TRAPPC9: variants seen among roughly 807,000 people sequenced by gnomAD.
The protein encoded by TRAPPC9 is IKK2 binding protein.
TRAPPC9 carries 83 observed loss-of-function variants against 124.0 expected under a neutral mutation model. The observed-to-expected ratio is 0.67, with a 90% CI of 0.56 to 0.80. The LOEUF is 0.80. Among genes scored for constraint, TRAPPC9 ranks in the 30% least tolerant of loss-of-function variants. The pLI is 0.00. For missense variants in TRAPPC9, 1,302 were observed against 1,508.3 expected (o/e 0.86, Z 2.27); for synonymous variants, 638 against 617.5 (o/e 1.03, Z -0.49).
At chr8:140,027,671 C>A (rs1300163469) in intron 17 of TRAPPC9, among the ~76,000 whole-genome samples, 2 of 152,154 alleles carry the variant, frequency 1.3e-5, no homozygotes, top group South Asian at 2.1e-4. Flanking sequence ...TCTCACACTA[C>A]TATAAAGAAC....
At chr8:140,180,679 ATTTT>A (rs11292362) in intron 17 of TRAPPC9, among the ~76,000 whole-genome samples, 3 of 138,150 alleles carry the variant, frequency 2.2e-5, no homozygotes, top group Non-Finnish European at 1.6e-5. Context: ...GTTAACAGCT[ATTTT>A]TTTTTTTTTT....
chr8:140,183,976 GGAGGAGGGA>G (rs2062288751), intron 17 of TRAPPC9, among the ~76,000 whole-genome samples: 1 of 127,054 alleles, frequency 7.9e-6, no homozygotes, highest in Non-Finnish European at 1.7e-5. Context: ...GAGGGAGGAG[GGAGGAGGGA>G]GGAGGGAGGA....
intron 11 of TRAPPC9, among the ~76,000 whole-genome samples, chr8:140,299,375 T>C (rs753503712): frequency 6.6e-5 from 10 of 152,186 alleles, no homozygotes; most frequent in Admixed American, 2.0e-4. Context: ...ACAGGAAGCC[T>C]CTGTCCTGGA....
chr8:139,899,464 A>G (rs909246068), intron 20 of TRAPPC9, among the ~76,000 whole-genome samples: 1 of 152,216 alleles, frequency 6.6e-6, no homozygotes, highest in Non-Finnish European at 1.5e-5. Context: ...ACCATCCTTC[A>G]TCCTTATCTT....
rs200011712 is a variant in TRAPPC9, at chr8:139,865,978, C to A, written c.3055+19901G>T. On this transcript the variant is annotated intron_variant, in intron 21 of 22. Transcript: ENST00000438773. Reference sequence around the variant, plus strand: ...AATACATTTAAGAAATACATCGGTTCGGTCCAAAAAGGCATGACAATTCCA... The same window carrying A: ...AATACATTTAAGAAATACATCGGTTAGGTCCAAAAAGGCATGACAATTCCA... Among the ~76,000 whole-genome samples the A allele has an allele frequency of 7.9e-5, 12 of 151,696 alleles. No individual in the cohort carries two copies. In the South Asian group the frequency reaches 1.7e-3, roughly 21 times the overall value.
At chr8:140,090,935 A>G (rs1378916309) in intron 17 of TRAPPC9, among the ~76,000 whole-genome samples, 1 of 152,216 alleles carries the variant, frequency 6.6e-6, no homozygotes, top group African/African-American at 2.4e-5. Context: ...GACTGGTGTG[A>G]CCCTGCTCCC....
At chr8:140,132,053 T>C (rs998069271) in intron 17 of TRAPPC9, among the ~76,000 whole-genome samples, 1 of 152,156 alleles carries the variant, frequency 6.6e-6, no homozygotes, top group Non-Finnish European at 1.5e-5. Flanking sequence ...TAGTCCCTGC[T>C]CTCCGGATCC....
chr8:140,178,818 C>G (rs571013287), intron 17 of TRAPPC9, among the ~76,000 whole-genome samples: 65 of 152,078 alleles, frequency 4.3e-4, no homozygotes, highest in African/African-American at 1.5e-3. Flanking sequence ...TTAGGCATTC[C>G]GTTTCATCTT....
intron 16 of TRAPPC9, among the ~76,000 whole-genome samples, chr8:140,222,503 T>C (rs2063357805): frequency 1.3e-5 from 2 of 152,086 alleles, no homozygotes; most frequent in African/African-American, 4.8e-5. Flanking sequence ...CCCCGTTGCC[T>C]TCACTCCTTT....
At chr8:140,047,880 G>A (rs1441013414) in intron 17 of TRAPPC9, among the ~76,000 whole-genome samples, 3 of 152,240 alleles carry the variant, frequency 2.0e-5, no homozygotes, top group African/African-American at 7.2e-5. Flanking sequence ...CGGGGCAGAA[G>A]TGGAGGGCGA....
chr8:139,967,249 C>A (rs959933269), intron 19 of TRAPPC9, among the ~76,000 whole-genome samples: 1 of 152,194 alleles, frequency 6.6e-6, no homozygotes, highest in Non-Finnish European at 1.5e-5. Context: ...CTGCCATACT[C>A]CCCAGTATGT....
chr8:139,823,446 G>A (rs1825394056), intron 21 of TRAPPC9, among the ~76,000 whole-genome samples: 1 of 152,170 alleles, frequency 6.6e-6, no homozygotes, highest in Non-Finnish European at 1.5e-5. Flanking sequence ...GGTGGTTGAG[G>A]AGCCTGAAAA....
intron 17 of TRAPPC9, among the ~76,000 whole-genome samples, chr8:140,120,829 A>C (rs561735250): frequency 6.6e-6 from 1 of 150,526 alleles, no homozygotes; most frequent in East Asian, 1.9e-4. Flanking sequence ...ACATCCATCC[A>C]TCCATCCATC....
chr8:140,309,043 G>A (rs1280490917), intron 10 of TRAPPC9, among the ~76,000 whole-genome samples: 2 of 152,096 alleles, frequency 1.3e-5, no homozygotes, highest in East Asian at 1.9e-4. Context: ...AAAGGGACGC[G>A]CACAGAAGGT....
At chr8:140,281,391 G>A (rs1271082058) in intron 14 of TRAPPC9, among the ~76,000 whole-genome samples, 1 of 152,176 alleles carries the variant, frequency 6.6e-6, no homozygotes, top group South Asian at 2.1e-4. Context: ...GGTTGCTTAT[G>A]AGCTATTTGT....
rs187324203 is a variant in TRAPPC9, at chr8:139,869,641, A to T, written c.3055+16238T>A. ...TTAAAACAAGGAACATAACTTGTTTAAAAATGTCCATGGCATAGTTACAAA... is the reference window on the plus strand; with the variant it reads ...TTAAAACAAGGAACATAACTTGTTTTAAAATGTCCATGGCATAGTTACAAA... On this transcript the variant is annotated intron_variant, in intron 21 of 22. Transcript: ENST00000438773. Among the ~76,000 whole-genome samples, 312 of 152,370 alleles carry T rather than the reference A, an allele frequency of 2.0e-3. 2 individuals are homozygous for T. The highest frequency in any genetic ancestry group is 7.0e-3 in the African/African-American group (289 of 41,576).
intron 21 of TRAPPC9, among the ~76,000 whole-genome samples, chr8:139,818,160 G>C (rs1050783978): frequency 1.3e-5 from 2 of 152,234 alleles, no homozygotes; most frequent in Non-Finnish European, 1.5e-5. Flanking sequence ...TGACTCCAAA[G>C]AGTATTCTTA....
At chr8:139,968,920 C>T (rs1243080683) in intron 19 of TRAPPC9, among the ~76,000 whole-genome samples, 1 of 152,220 alleles carries the variant, frequency 6.6e-6, no homozygotes, top group East Asian at 1.9e-4. Context: ...GGCCCGTCCA[C>T]AATTTGTCAC....
intron 17 of TRAPPC9, among the ~76,000 whole-genome samples, chr8:140,160,900 A>G (rs1468348538): frequency 6.6e-6 from 1 of 152,200 alleles, no homozygotes; most frequent in Non-Finnish European, 1.5e-5. Context: ...GAACCAGATT[A>G]TCATGAGTTC....
Sources: gnomAD v4.1 joint callset for allele counts (sites outside exome capture counted in the v4.1 genomes callset) on GRCh38, gnomAD v4.1.1 for gene constraint, MANE v1.5 for transcripts, NCBI Gene and HGNC (gene_info 2026-07-23, HGNC 2026-07-21) for gene names.